The following BMP5 variants were observed in gnomAD, a reference collection of about 807,000 sequenced individuals.
BMP5 encodes bone morphogenetic protein 5.
BMP5 carries 23 observed loss-of-function variants against 46.6 expected under a neutral mutation model. The observed-to-expected ratio is 0.49, with a 90% CI of 0.35 to 0.70. BMP5 has a LOEUF of 0.70. Ranked by LOEUF, BMP5 falls within the 30% of genes least tolerant of loss-of-function variation. The pLI is 0.00. For missense variants in BMP5, 545 were observed against 565.6 expected, an observed-to-expected ratio of 0.96 and a Z score of 0.37; for synonymous variants, 204 against 191.9, an observed-to-expected ratio of 1.06 and a Z score of -0.52.
At chr6:55,758,939 T>G in intron 6 of BMP5, 66 bp downstream of exon 6, 1 of 1,119,434 alleles carries the variant, frequency 8.9e-7, no homozygotes, top group Non-Finnish European at 1.4e-6. Flanking sequence ...GATGCTTTCC[T>G]CTAAAACAAC....
chr6:55,823,832 A>G (rs1776465896), intron 1 of BMP5, among the ~76,000 whole-genome samples: 1 of 151,818 alleles, frequency 6.6e-6, no homozygotes, highest in South Asian at 2.1e-4. Flanking sequence ...ATCTTAGCAC[A>G]TGTGTTTTTA....
chr6:55,829,529 G>A (rs75663832), intron 1 of BMP5, among the ~76,000 whole-genome samples: 1,975 of 151,284 alleles, frequency 0.013, 63 homozygotes, highest in African/African-American at 0.045. Flanking sequence ...CTTCTTCAAA[G>A]GAAATTCAAA....
Position 55,875,111 on chromosome 6 carries a change from A to T in BMP5, c.-246T>A. On this transcript the variant is annotated 5_prime_UTR_variant, in exon 1 of 7. Coordinates refer to ENST00000370830, the MANE Select transcript of BMP5 (RefSeq NM_021073.4). ...GAAACTCAGATTTCCAATTATCCAC[A>T]GTTGTTAAGAGTTTTTGCTGCATTG... The T allele has an allele frequency of 4.6e-6, 2 of 434,100 alleles. No homozygotes were observed. The highest frequency in any genetic ancestry group is 8.3e-6 in the Non-Finnish European group (2 of 240,176). 26.9% of individuals were successfully genotyped at this position (434,100 alleles called of 1,614,324 possible). A position where few individuals can be genotyped will look rare whatever the true frequency, so the allele number is the denominator to read the frequency against.
In BMP5 at chr6:55,755,655, GT is replaced by G. The variant is rs1774572053; in HGVS notation, c.1242del (p.Pro415GlnfsTer10). On this transcript the variant is annotated frameshift_variant, in exon 7 of 7. Coordinates refer to ENST00000370830, the MANE Select transcript of BMP5 (RefSeq NM_021073.4). LOFTEE classifies it high-confidence loss of function. ...TTGGTTGGAGCACAACAAGGCTTTG[GT>G]ACGTGGTCAGGAAACATCAGATGAA... ...TLVHLMFPDH[V>X]PKPCCAPTKL... 6.2e-7 allele frequency: 1 copy of G among 1,612,186 alleles called. No individual in the cohort carries two copies. The highest frequency in any genetic ancestry group is 8.5e-7 in the Non-Finnish European group (1 of 1,178,842).
chr6:55,840,504 A>T (rs1350150144), intron 1 of BMP5, among the ~76,000 whole-genome samples: 1 of 152,036 alleles, frequency 6.6e-6, no homozygotes, highest in Non-Finnish European at 1.5e-5. Flanking sequence ...TTTTGTATAG[A>T]TTTCTTTCAT....
At chr6:55,866,299 C>T (rs1290236840) in intron 1 of BMP5, among the ~76,000 whole-genome samples, 1 of 152,106 alleles carries the variant, frequency 6.6e-6, no homozygotes, top group African/African-American at 2.4e-5. Context: ...TTTATGAGAA[C>T]TAAATAGCTG....
chr6:55,853,756 G>A (rs1777312737), intron 1 of BMP5, among the ~76,000 whole-genome samples: 1 of 152,124 alleles, frequency 6.6e-6, no homozygotes. Flanking sequence ...GTAGAGAACT[G>A]CTGGTTATAC....
chr6:55,844,410 T>C (rs1777047415), intron 1 of BMP5, among the ~76,000 whole-genome samples: 2 of 152,070 alleles, frequency 1.3e-5, no homozygotes, highest in African/African-American at 4.8e-5. Context: ...AGGGAAGATA[T>C]AGTATCATAA....
intron 1 of BMP5, among the ~76,000 whole-genome samples, chr6:55,858,811 AG>A (rs1777461422): frequency 1.3e-5 from 2 of 152,236 alleles, no homozygotes; most frequent in South Asian, 4.1e-4. Context: ...GCCATAAAAA[AG>A]AATGAGTTCA....
intron 1 of BMP5, among the ~76,000 whole-genome samples, chr6:55,822,256 A>G (rs1361949422): frequency 6.6e-6 from 1 of 152,168 alleles, no homozygotes; most frequent in Admixed American, 6.6e-5. Context: ...TCTTGTATTT[A>G]CAAGTCCAAA....
At chr6:55,797,426 G>A (rs1017914211) in intron 2 of BMP5, among the ~76,000 whole-genome samples, 2 of 152,042 alleles carry the variant, frequency 1.3e-5, no homozygotes, top group African/African-American at 4.8e-5. Context: ...AGAACAGTGC[G>A]ATAGAGAAAA....
intron 1 of BMP5, among the ~76,000 whole-genome samples, chr6:55,845,304 A>G (rs1039898874): frequency 4.6e-5 from 7 of 152,050 alleles, no homozygotes; most frequent in Non-Finnish European, 8.8e-5. Flanking sequence ...ATTCTGAGAT[A>G]TGATTTTACC....
At chr6:55,840,131 T>C (rs1171080681) in intron 1 of BMP5, among the ~76,000 whole-genome samples, 1 of 152,122 alleles carries the variant, frequency 6.6e-6, no homozygotes. Flanking sequence ...TTTATTTTGA[T>C]ACTACGGTAA....
chr6:55,836,579 T>A (rs929765107), intron 1 of BMP5, among the ~76,000 whole-genome samples: 25 of 151,490 alleles, frequency 1.7e-4, no homozygotes, highest in Non-Finnish European at 3.1e-4. Flanking sequence ...GCTGTAAAGA[T>A]CTTAACTGCC....
At position 55,795,013 on chromosome 6, in the gene BMP5, G is replaced by A. The variant is rs141979152; in HGVS notation, c.684-586C>T. ...AGTGGCACAATCTATGAGAACTTTTGTTAATATCTTCTGCAAGCTTAAGTC... is the reference window on the plus strand; with the variant it reads ...AGTGGCACAATCTATGAGAACTTTTATTAATATCTTCTGCAAGCTTAAGTC... On this transcript the variant is annotated intron_variant, in intron 2 of 6. Transcript: ENST00000370830. 2.0e-3 allele frequency among the ~76,000 whole-genome samples: 299 copies of A among 152,172 alleles called. 2 individuals carry two copies. Among genetic ancestry groups the A allele is most frequent in the African/African-American group, 6.9e-3 (288 of 41,542 alleles).
At chr6:55,836,033 T>C (rs536184659) in intron 1 of BMP5, among the ~76,000 whole-genome samples, 5 of 152,304 alleles carry the variant, frequency 3.3e-5, no homozygotes, top group South Asian at 2.1e-4. Context: ...ACATCATCTA[T>C]ATGTTTATTT....
intron 2 of BMP5, among the ~76,000 whole-genome samples, chr6:55,796,912 A>G (rs1775728627): frequency 6.6e-6 from 1 of 152,194 alleles, no homozygotes. Context: ...AAAGAGCCAT[A>G]TATTTCTAGT....
At chr6:55,806,468 G>A (rs562476758) in intron 2 of BMP5, among the ~76,000 whole-genome samples, 2 of 152,262 alleles carry the variant, frequency 1.3e-5, no homozygotes, top group South Asian at 4.2e-4. Flanking sequence ...TTTGGTTAGT[G>A]CATCCTTGAT....
chr6:55,766,108 T>A (rs1235951754), intron 4 of BMP5, among the ~76,000 whole-genome samples: 1 of 152,160 alleles, frequency 6.6e-6, no homozygotes, highest in African/African-American at 2.4e-5. Context: ...CAAAGCCTCA[T>A]TAGTTGATCA....
Sources: allele counts gnomAD v4.1 joint callset (sites outside exome capture counted in the v4.1 genomes callset), GRCh38; gene constraint gnomAD v4.1.1; transcripts MANE v1.5; gene names NCBI Gene and HGNC (gene_info 2026-07-23, HGNC 2026-07-21).